Variants in TRMT11 observed in about 807,000 individuals in gnomAD.
TRMT11 encodes tRNA (guanine(10)-N(2))-methyltransferase TRMT11.
A neutral mutation model predicts 62.8 loss-of-function variants in TRMT11; 53 were observed. The observed-to-expected ratio is 0.84, with a 90% confidence interval of 0.68 to 1.06. The LOEUF is 1.06. Among genes scored for constraint, TRMT11 ranks in the 50% least tolerant of loss-of-function variants. TRMT11 has a pLI of 0.00. For missense variants in TRMT11, 556 were observed against 553.4 expected (o/e 1.00, Z -0.05); for synonymous variants, 188 against 190.3 (o/e 0.99, Z 0.10).
intron 17 of TRMT11, among the ~76,000 whole-genome samples, chr6:126,086,649 A>G (rs1013541424): frequency 1.3e-5 from 2 of 152,140 alleles, no homozygotes; most frequent in East Asian, 3.8e-4. Context: ...CAGCAATTCC[A>G]TGTTGTTACA....
At chr6:125,997,963 G>A in intron 3 of TRMT11, 90 bp from the exon 4 acceptor site, 1 of 872,286 alleles carries the variant, frequency 1.1e-6, no homozygotes, top group South Asian at 1.4e-5. Context: ...AATCAGTGGA[G>A]TGTGCATAAA....
chr6:126,167,157 G>A (rs914837066), intron 21 of TRMT11, among the ~76,000 whole-genome samples: 10 of 152,084 alleles, frequency 6.6e-5, no homozygotes, highest in Admixed American at 2.6e-4. Flanking sequence ...TACACCACTG[G>A]GGTATGAAAA....
At chr6:126,011,140 C>T in intron 8 of TRMT11, 113 bp from the exon 9 acceptor site, 1 of 888,482 alleles carries the variant, frequency 1.1e-6, no homozygotes, top group Non-Finnish European at 1.6e-6. Flanking sequence ...TAAATGAAAG[C>T]AAATTTTGAA....
At chr6:126,191,007 C>T (rs971804622) in intron 1 of TRMT11, among the ~76,000 whole-genome samples, 11 of 152,056 alleles carry the variant, frequency 7.2e-5, no homozygotes, top group African/African-American at 2.7e-4. Context: ...TTTGAGGAAC[C>T]TCCATACTGT....
intron 21 of TRMT11, among the ~76,000 whole-genome samples, chr6:126,170,276 C>CA (rs1562339661): frequency 1.3e-5 from 2 of 152,056 alleles, no homozygotes; most frequent in African/African-American, 4.8e-5. Context: ...GCTTCAAAAC[C>CA]AAAAAACCCG....
intron 21 of TRMT11, among the ~76,000 whole-genome samples, chr6:126,163,883 G>C (rs1449718528): frequency 6.6e-6 from 1 of 151,962 alleles, no homozygotes; most frequent in African/African-American, 2.4e-5. Flanking sequence ...TATTAGTCTG[G>C]CTAGCAGTCT....
At chr6:126,241,470 A>G in the TRMT11 span, among the ~76,000 whole-genome samples, 1 of 152,208 alleles carries the variant, frequency 6.6e-6, no homozygotes, top group Non-Finnish European at 1.5e-5. Flanking sequence ...CTGATACCAA[A>G]GCCTGGCAGA....
chr6:126,011,284 A>G lies in TRMT11; in HGVS notation c.792A>G (p.Arg264=). ...GKATRKNQKW[R]GPDENIRANL... ...CTACTAGGAAAAACCAGAAGTGGAG[A>G]GGACCAGATGAAAACATTAGGGCCA... The change falls in exon 9 of 13, where the codon AGA becomes AGG. Residue 264 remains arginine (R), a synonymous_variant. Coordinates refer to ENST00000334379, the MANE Select transcript of TRMT11 (RefSeq NM_001031712.3). 1 of 1,612,986 alleles carries G rather than the reference A, an allele frequency of 6.2e-7. No individual in the cohort carries two copies. The highest frequency in any genetic ancestry group is 1.1e-5 in the South Asian group (1 of 90,938).
intron 21 of TRMT11, among the ~76,000 whole-genome samples, chr6:126,136,960 C>G (rs571621437): frequency 6.6e-6 from 1 of 151,250 alleles, no homozygotes; most frequent in Non-Finnish European, 1.5e-5. Context: ...AAAAAAGACC[C>G]CTACCTTTCA....
intron 17 of TRMT11, among the ~76,000 whole-genome samples, chr6:126,078,762 T>A (rs1485140062): frequency 2.0e-5 from 3 of 152,164 alleles, no homozygotes; most frequent in African/African-American, 4.8e-5. Flanking sequence ...CTGGGAGATT[T>A]TGAAGTTTGA....
chr6:126,093,758 A>T (rs1044853860), intron 17 of TRMT11, among the ~76,000 whole-genome samples: 3 of 151,196 alleles, frequency 2.0e-5, no homozygotes, highest in Non-Finnish European at 4.4e-5. Flanking sequence ...GCAGTTAATC[A>T]GGCACTTAAG....
At chr6:125,995,853 ATATTCT>A in intron 2 of TRMT11, 108 bp from the exon 3 acceptor site, 1 of 699,586 alleles carries the variant, frequency 1.4e-6, no homozygotes, top group Non-Finnish European at 2.6e-6. Flanking sequence ...GTCAGATCAG[ATATTCT>A]TACATGAAAG....
At chr6:126,009,978 TCTTA>T (rs1320016257) in intron 8 of TRMT11, among the ~76,000 whole-genome samples, 1 of 152,028 alleles carries the variant, frequency 6.6e-6, no homozygotes, top group African/African-American at 2.4e-5. Context: ...GGTTCTGAAC[TCTTA>T]CTTTATCCTA....
At chr6:126,052,031 T>C (rs1343260718) in intron 16 of TRMT11, among the ~76,000 whole-genome samples, 1 of 152,190 alleles carries the variant, frequency 6.6e-6, no homozygotes, top group Non-Finnish European at 1.5e-5. Flanking sequence ...CATGACCCAA[T>C]ACTCTTGAGA....
the TRMT11 span, among the ~76,000 whole-genome samples, chr6:126,237,516 C>CA: frequency 1.3e-5 from 2 of 151,816 alleles, no homozygotes; most frequent in Non-Finnish European, 2.9e-5. Flanking sequence ...CTTGTCTCTA[C>CA]AAAAAATACA....
chr6:126,179,696 A>T (rs1778434012), intron 1 of TRMT11, among the ~76,000 whole-genome samples: 1 of 152,202 alleles, frequency 6.6e-6, no homozygotes, highest in African/African-American at 2.4e-5. Context: ...GTCAGGTTTC[A>T]CATATAGCGA....
At chr6:126,125,606 A>G (rs1401339057) in intron 21 of TRMT11, among the ~76,000 whole-genome samples, 1 of 152,128 alleles carries the variant, frequency 6.6e-6, no homozygotes, top group Non-Finnish European at 1.5e-5. Context: ...GGGAAACACA[A>G]CAGACATGGT....
chr6:126,078,762 T>C (rs1485140062), intron 17 of TRMT11, among the ~76,000 whole-genome samples: 1 of 152,164 alleles, frequency 6.6e-6, no homozygotes, highest in Non-Finnish European at 1.5e-5. Context: ...CTGGGAGATT[T>C]TGAAGTTTGA....
At chr6:126,190,425 A>G (rs1778584183) in intron 1 of TRMT11, among the ~76,000 whole-genome samples, 1 of 152,150 alleles carries the variant, frequency 6.6e-6, no homozygotes, top group South Asian at 2.1e-4. Context: ...CTCTTGATGC[A>G]TTGTGAAGAA....
Sources: gnomAD v4.1 joint callset for allele counts (sites outside exome capture counted in the v4.1 genomes callset) on GRCh38, gnomAD v4.1.1 for gene constraint, MANE v1.5 for transcripts, NCBI Gene and HGNC (gene_info 2026-07-23, HGNC 2026-07-21) for gene names.